Variants in C4orf50 observed in about 807,000 individuals in gnomAD.
C4orf50 encodes chromosome 4 open reading frame 50, also known as uncharacterized protein C4orf50.
C4orf50 carries 80 observed loss-of-function variants against 77.2 expected under a neutral mutation model. That is an observed-to-expected ratio of 1.04 (90% confidence interval 0.87 to 1.25). The LOEUF is 1.25. C4orf50 is among the 50% of genes most tolerant of loss of function. The probability of loss-of-function intolerance (pLI) is 0.00; values close to 1 mark genes in which losing one functional copy is unlikely to be tolerated. For missense variants in C4orf50, 1,257 were observed against 1,152.9 expected, an observed-to-expected ratio of 1.09 and a Z score of -1.31; for synonymous variants, 532 against 465.3, an observed-to-expected ratio of 1.14 and a Z score of -1.84.
rs1455323434 is a variant in C4orf50 at position 5,900,915 on chromosome 4, A to G, written c.*2475-2727T>C. ...CAGGGCCACTCTGAGCACACAGCCC[A>G]TGTGTGTCACCCTCTGTATGTCACC... On this transcript the variant is annotated intron_variant, in intron 7 of 7. Transcript: ENST00000324058. The surrounding 1 kb of genome is among the most constrained non-coding windows in gnomAD (Gnocchi z 4.3). 1 of 152,222 alleles carries G rather than the reference A, an allele frequency of 6.6e-6. No homozygotes were observed. The highest frequency in any genetic ancestry group is 2.4e-5 in the African/African-American group (1 of 41,466). The allele number at this position is 152,222 out of a possible 1,614,324, so 9.4% of individuals were successfully genotyped here.
intron 23 of C4orf50, 35 bp from the exon 2 acceptor site, chr4:6,012,003 G>C (rs74337498): frequency 0.01 from 4,159 of 398,926 alleles, 35 homozygotes; most frequent in Non-Finnish European, 0.013. Context: ...ACTTGCTCAG[G>C]GTGCAGTCAA....
chr4:5,979,961 G>A (rs1423352485), intron 29 of C4orf50, among the ~76,000 whole-genome samples: 1 of 151,728 alleles, frequency 6.6e-6, no homozygotes, highest in Non-Finnish European at 1.5e-5. Context: ...AACCACATAT[G>A]TGCATTTTTT....
At chr4:6,016,357 T>A (rs1270915811) in intron 23 of C4orf50, among the ~76,000 whole-genome samples, 1 of 152,158 alleles carries the variant, frequency 6.6e-6, no homozygotes, top group Non-Finnish European at 1.5e-5. Context: ...GAGACCTGCA[T>A]GGCCAACATG....
rs1716290568 is a variant in C4orf50, at chr4:5,900,309, A to G, written c.*2475-2121T>C. On this transcript the variant is annotated intron_variant, in intron 7 of 7. Transcript: ENST00000324058. This position sits in a 1 kb window ranked among gnomAD's most constrained non-coding sequence, Gnocchi z 4.3. Reference sequence around the variant, plus strand: ...TCTCCAATGATGGGTAACTAAACTCATATAATAATCTCATTCCAAAGCAAT... The same window carrying G: ...TCTCCAATGATGGGTAACTAAACTCGTATAATAATCTCATTCCAAAGCAAT... 6.6e-6 allele frequency: 1 copy of G among 152,212 alleles called. No individual in the cohort carries two copies. Among genetic ancestry groups the G allele is most frequent in the Admixed American group, 6.5e-5 (1 of 15,272 alleles). The allele number at this position is 152,212 out of a possible 1,614,324, so 9.4% of individuals were successfully genotyped here. A position where few individuals can be genotyped will look rare whatever the true frequency, so the allele number is the denominator to read the frequency against.
downstream of C4orf50, among the ~76,000 whole-genome samples, chr4:5,954,621 A>G (rs1300094772): frequency 6.6e-6 from 1 of 152,086 alleles, no homozygotes; most frequent in Non-Finnish European, 1.5e-5. The surrounding 1 kb of genome is among the most constrained non-coding windows in gnomAD (Gnocchi z 4.7). Context: ...AGGGCTCTGG[A>G]GTGTGACGTG....
In C4orf50 at chr4:5,913,927, A is replaced by G. The variant is rs75435488; in HGVS notation, c.*2475-15739T>C. Among the ~76,000 whole-genome samples, 25 of 152,350 alleles carry G rather than the reference A, an allele frequency of 1.6e-4. 1 individual carries two copies. In the East Asian group the frequency reaches 4.4e-3, roughly 27 times the overall value. On this transcript the variant is annotated intron_variant, in intron 7 of 7. Transcript: ENST00000324058. ...ATCAATCTCCAAGAAATAGTCTTCT[A>G]TGAAGACAAAGATTTATAGACAATG...
At chr4:5,936,762 C>T (rs75990913) in intron 7 of C4orf50, among the ~76,000 whole-genome samples, 2,127 of 152,012 alleles carry the variant, frequency 0.014, 35 homozygotes, top group African/African-American at 0.035. Context: ...TACAAATTCT[C>T]AGATTCAGAA....
chr4:5,971,096 C>T (rs907892634), intron 31 of C4orf50, among the ~76,000 whole-genome samples: 4 of 152,196 alleles, frequency 2.6e-5, no homozygotes, highest in African/African-American at 9.7e-5. Context: ...CATCAGCCCT[C>T]CACCGCCTGG....
At position 5,973,655 on chromosome 4, in the gene C4orf50, C is replaced by CT; in HGVS notation, c.4104+3dup. ...CACAGACAGGGCCATCTCTGGGACT[C>CT]TACCTCTGGGACTCCCGGAGCCAGG... On this transcript the variant is annotated splice_donor_region_variant and intron_variant, in intron 31 of 33. Coordinates refer to ENST00000531445, the Ensembl canonical transcript of C4orf50. 1 of 1,608,908 alleles carries CT rather than the reference C, an allele frequency of 6.2e-7. No homozygotes were observed. The highest frequency in any genetic ancestry group is 1.3e-5 in the African/African-American group (1 of 74,986).
exon 28 of C4orf50, chr4:5,989,872 C>T: frequency 1.4e-6 from 2 of 1,446,158 alleles, no homozygotes; most frequent in Non-Finnish European, 1.8e-6. Flanking sequence ...TTCCTCTAGC[C>T]CTTTGTCCTC....
intron 29 of C4orf50, among the ~76,000 whole-genome samples, chr4:5,977,485 T>G (rs1270579178): frequency 6.6e-6 from 1 of 152,236 alleles, no homozygotes; most frequent in East Asian, 1.9e-4. Flanking sequence ...TTGTATGTGA[T>G]ACAAAAATTT....
exon 29 of C4orf50, chr4:5,980,289 G>A: frequency 6.2e-7 from 1 of 1,612,782 alleles, no homozygotes; most frequent in African/African-American, 1.3e-5. Context: ...GAGCTGCTGG[G>A]CCCGCAGCCT....
At chr4:5,961,638 G>A (rs906789962) in intron 33 of C4orf50, among the ~76,000 whole-genome samples, 2 of 152,174 alleles carry the variant, frequency 1.3e-5, no homozygotes, top group Non-Finnish European at 2.9e-5. Flanking sequence ...CAGGCCATAC[G>A]GCTCTCAAGC....
At chr4:5,921,622 G>A (rs554672820) in intron 7 of C4orf50, among the ~76,000 whole-genome samples, 9 of 152,182 alleles carry the variant, frequency 5.9e-5, no homozygotes, top group Admixed American at 3.3e-4. Context: ...AGTGTGTTTC[G>A]GGAGGAGCCA....
chr4:5,951,827 G>T (rs1305371092), intron 7 of C4orf50, among the ~76,000 whole-genome samples: 1 of 152,006 alleles, frequency 6.6e-6, no homozygotes, highest in East Asian at 1.9e-4. Context: ...CCCAACCCCA[G>T]CAAAACTCGG....
At chr4:5,996,120 T>C (rs1470438565) in intron 25 of C4orf50, among the ~76,000 whole-genome samples, 1 of 152,220 alleles carries the variant, frequency 6.6e-6, no homozygotes, top group East Asian at 1.9e-4. Flanking sequence ...TGTTCCCACC[T>C]CTGCAGCTTT....
At chr4:5,915,237 T>G (rs1716981810) in intron 7 of C4orf50, among the ~76,000 whole-genome samples, 1 of 152,220 alleles carries the variant, frequency 6.6e-6, no homozygotes, top group Non-Finnish European at 1.5e-5. Flanking sequence ...CCCCTTCATC[T>G]TGCCTGTCAA....
Position 6,018,343 on chromosome 4 carries a change from A to G in C4orf50, c.89T>C (p.Val30Ala), listed in dbSNP as rs1294871138. The change falls in exon 23 of 34, where the codon GTT (valine) becomes GCT (alanine). Residue 30 changes from valine (V) to alanine (A), a missense_variant. Val to Ala is a moderately conservative substitution (Grantham distance 64). Coordinates refer to ENST00000531445, the Ensembl canonical transcript of C4orf50. This position sits in a 1 kb window ranked among gnomAD's most constrained non-coding sequence, Gnocchi z 5.1. Reference sequence around the variant, plus strand: ...CCAGGATGTGTCAATCTTCACATCAACGTTCATTATGTCGAACCCCTCACT... The same window carrying G: ...CCAGGATGTGTCAATCTTCACATCAGCGTTCATTATGTCGAACCCCTCACT... 5.0e-6 allele frequency: 2 copies of G among 398,908 alleles called. No individual in the cohort carries two copies. The highest frequency in any genetic ancestry group is 2.1e-5 in the African/African-American group (1 of 48,606). 24.7% of individuals were successfully genotyped at this position (398,908 alleles called of 1,614,324 possible).
At chr4:5,924,453 GC>G (rs1215334197) in intron 7 of C4orf50, among the ~76,000 whole-genome samples, 2 of 152,272 alleles carry the variant, frequency 1.3e-5, no homozygotes, top group South Asian at 2.1e-4. Flanking sequence ...TTCCCAGCCT[GC>G]CCCACACCCA....
Sources: allele counts gnomAD v4.1 joint callset (sites outside exome capture counted in the v4.1 genomes callset), GRCh38; gene constraint gnomAD v4.1.1; non-coding constraint Gnocchi (gnomAD v3.1); transcripts MANE v1.5; gene names NCBI Gene and HGNC (gene_info 2026-07-23, HGNC 2026-07-21).